The following SNTB2 variants were observed in gnomAD, a reference collection of about 807,000 sequenced individuals.
SNTB2 encodes the protein syntrophin beta 2, also known as beta-2-syntrophin.
Under a neutral mutation model 46.2 loss-of-function variants are expected in SNTB2, and 34 were observed. That is an observed-to-expected ratio of 0.74 (90% confidence interval 0.56 to 0.98). The LOEUF is 0.98. Among genes scored for constraint, SNTB2 ranks in the 50% least tolerant of loss-of-function variants. The probability of loss-of-function intolerance (pLI) is 0.00; values close to 1 mark genes in which losing one functional copy is unlikely to be tolerated. For missense variants in SNTB2, 603 were observed against 731.4 expected (o/e 0.82, Z 2.02); for synonymous variants, 290 against 312.6 (o/e 0.93, Z 0.76).
At chr16:69,221,086 C>T (rs941902841) in intron 1 of SNTB2, among the ~76,000 whole-genome samples, 6 of 151,982 alleles carry the variant, frequency 3.9e-5, no homozygotes, top group African/African-American at 7.2e-5. Flanking sequence ...ATTTGAAGAA[C>T]GTTTACAAAT....
intron 1 of SNTB2, among the ~76,000 whole-genome samples, chr16:69,227,976 G>T (rs1246072051): frequency 6.6e-6 from 1 of 151,034 alleles, no homozygotes; most frequent in African/African-American, 2.4e-5. Context: ...TCCCCTCTCA[G>T]CCTCCTGAGT....
At chr16:69,282,781 G>GT (rs1965062630) in intron 4 of SNTB2, among the ~76,000 whole-genome samples, 2 of 148,666 alleles carry the variant, frequency 1.3e-5, no homozygotes, top group South Asian at 4.2e-4. Flanking sequence ...AAGTTTTGAA[G>GT]TTTTTCTCAT....
chr16:69,289,747 C>A (rs1965142035), intron 5 of SNTB2, among the ~76,000 whole-genome samples: 1 of 152,034 alleles, frequency 6.6e-6, no homozygotes, highest in African/African-American at 2.4e-5. Context: ...CATGGCGAAA[C>A]CCCGTCTCTA....
chr16:69,229,764 C>T (rs1964489290), intron 1 of SNTB2, among the ~76,000 whole-genome samples: 1 of 150,400 alleles, frequency 6.6e-6, no homozygotes, highest in African/African-American at 2.4e-5. Context: ...ATCACTTGAA[C>T]CCGGGAGGCA....
At chr16:69,269,220 A>T (rs1290359073) in intron 3 of SNTB2, among the ~76,000 whole-genome samples, 2 of 151,970 alleles carry the variant, frequency 1.3e-5, no homozygotes, top group Non-Finnish European at 2.9e-5. Flanking sequence ...TCCGCGTTTT[A>T]AAAAATACGA....
intron 1 of SNTB2, among the ~76,000 whole-genome samples, chr16:69,208,734 G>C (rs902472014): frequency 6.6e-6 from 1 of 151,716 alleles, no homozygotes; most frequent in African/African-American, 2.4e-5. Context: ...GGTGGCTCAC[G>C]CCTGTAATCC....
chr16:69,291,016 A>T (rs1030319997), intron 5 of SNTB2, among the ~76,000 whole-genome samples: 3 of 152,262 alleles, frequency 2.0e-5, no homozygotes, highest in African/African-American at 7.2e-5. Flanking sequence ...TTGTAATAAA[A>T]GAAAAATAAG....
At chr16:69,292,351 TTTTTATATATATATATATATATATATA>T in intron 5 of SNTB2, among the ~76,000 whole-genome samples, 1 of 48,102 alleles carries the variant, frequency 2.1e-5, no homozygotes, top group African/African-American at 1.1e-4. Context: ...TTCACCTTAT[TTTTTATATATATATATATATATATATA>T]TTATATATAT....
chr16:69,206,551 C>T (rs1476661839), intron 1 of SNTB2, among the ~76,000 whole-genome samples: 1 of 151,304 alleles, frequency 6.6e-6, no homozygotes, highest in Non-Finnish European at 1.5e-5. Flanking sequence ...ATTAGCCGGG[C>T]GTGGTGGTGC....
chr16:69,272,341 G>A (rs1033826487), intron 4 of SNTB2, among the ~76,000 whole-genome samples: 1 of 151,898 alleles, frequency 6.6e-6, no homozygotes, highest in Non-Finnish European at 1.5e-5. Flanking sequence ...AGGAGTTCAA[G>A]ACCAGCCTGA....
chr16:69,255,476 C>T (rs563973710), intron 2 of SNTB2, among the ~76,000 whole-genome samples: 3 of 151,310 alleles, frequency 2.0e-5, no homozygotes, highest in East Asian at 3.9e-4. Context: ...AAAAGAATGG[C>T]GTGAACCTGG....
chr16:69,205,013 T>C (rs1964199592), intron 1 of SNTB2, among the ~76,000 whole-genome samples: 1 of 152,174 alleles, frequency 6.6e-6, no homozygotes, highest in Admixed American at 6.6e-5. Context: ...GTTGGCTGTG[T>C]ATGCAGAGTA....
chr16:69,240,475 AGAG>A (rs1964600609), intron 1 of SNTB2: 1 of 152,216 alleles, frequency 6.6e-6, no homozygotes, highest in Non-Finnish European at 1.5e-5. Flanking sequence ...TCCTGACTTG[AGAG>A]AAGAGCTTGG....
chr16:69,205,709 CTTTCATA>C (rs1964209832), intron 1 of SNTB2, among the ~76,000 whole-genome samples: 1 of 152,100 alleles, frequency 6.6e-6, no homozygotes, highest in Admixed American at 6.6e-5. Flanking sequence ...CAACCTGCTT[CTTTCATA>C]TTTCTCACAT....
intron 4 of SNTB2, among the ~76,000 whole-genome samples, chr16:69,279,868 A>AATTTATTT (rs1264460907): frequency 6.9e-6 from 1 of 144,252 alleles, no homozygotes. Context: ...TTAATTAATT[A>AATTTATTT]ATTTATTTAT....
At chr16:69,284,968 A>G (rs1279264572) in intron 5 of SNTB2, among the ~76,000 whole-genome samples, 1 of 152,210 alleles carries the variant, frequency 6.6e-6, no homozygotes, top group African/African-American at 2.4e-5. Flanking sequence ...TATTCAGCGC[A>G]GTAACATACT....
At chr16:69,208,455 GT>G (rs1263705239) in intron 1 of SNTB2, among the ~76,000 whole-genome samples, 1 of 150,984 alleles carries the variant, frequency 6.6e-6, no homozygotes, top group East Asian at 1.9e-4. Context: ...ACTCTTTTGT[GT>G]TTGGCTTCTT....
At chr16:69,226,635 T>A (rs1026031899) in intron 1 of SNTB2, among the ~76,000 whole-genome samples, 2 of 152,160 alleles carry the variant, frequency 1.3e-5, no homozygotes, top group Non-Finnish European at 2.9e-5. Context: ...GCTCAAGCAG[T>A]CCTCCCACGT....
chr16:69,205,402 G>A (rs1028985926), intron 1 of SNTB2, among the ~76,000 whole-genome samples: 7 of 148,126 alleles, frequency 4.7e-5, no homozygotes, highest in Admixed American at 2.8e-4. Flanking sequence ...GTTTCACCAC[G>A]TTGGCCAGGC....
Sources: gnomAD v4.1 joint callset for allele counts (sites outside exome capture counted in the v4.1 genomes callset) on GRCh38, gnomAD v4.1.1 for gene constraint, MANE v1.5 for transcripts, NCBI Gene and HGNC (gene_info 2026-07-23, HGNC 2026-07-21) for gene names.